B3GALT1: variants seen among roughly 807,000 people sequenced by gnomAD.
The protein encoded by B3GALT1 is UDP-Gal:betaGlcNAc beta 1,3-galactosyltransferase, polypeptide 1.
Under a neutral mutation model 23.2 loss-of-function variants are expected in B3GALT1, and 10 were observed. The observed-to-expected ratio is 0.43, with a 90% CI of 0.27 to 0.73. B3GALT1 has a LOEUF of 0.73. Among genes scored for constraint, B3GALT1 ranks in the 30% least tolerant of loss-of-function variants. The pLI is 0.21. For missense variants in B3GALT1, 299 were observed against 405.4 expected (o/e 0.74, Z 2.25); for synonymous variants, 156 against 141.5 (o/e 1.10, Z -0.73).
chr2:167,625,321 C>T (rs927882491), intron 2 of B3GALT1, among the ~76,000 whole-genome samples: 9 of 151,824 alleles, frequency 5.9e-5, no homozygotes, highest in Admixed American at 5.3e-4. Context: ...AACATGGCCA[C>T]AATAATTCTG....
At chr2:167,500,854 T>C (rs1699839619) in intron 2 of B3GALT1, among the ~76,000 whole-genome samples, 1 of 152,168 alleles carries the variant, frequency 6.6e-6, no homozygotes, top group Admixed American at 6.5e-5. Flanking sequence ...TTGGTGCCAA[T>C]GAGGTAATTA....
At position 167,467,159 on chromosome 2, in the gene B3GALT1, C is replaced by T. The variant is rs961220571; in HGVS notation, c.-510-23018C>T. 2.6e-5 allele frequency among the ~76,000 whole-genome samples: 4 copies of T among 151,928 alleles called. No individual in the cohort carries two copies. In the East Asian group the frequency reaches 7.8e-4, roughly 29 times the overall value. The stretch of plus-strand genomic sequence containing the variant: ...CAGCAGGGTAGGAGACATTCACATT[C>T]TGGAGCTGACGGGAAGGGATATTAA... On this transcript the variant is annotated intron_variant, in intron 1 of 4. Coordinates refer to ENST00000392690, the MANE Select transcript of B3GALT1 (RefSeq NM_020981.4).
chr2:167,599,359 A>AAGATAACAAATCCAAAAACAG (rs1485787667), intron 2 of B3GALT1, among the ~76,000 whole-genome samples: 9 of 152,216 alleles, frequency 5.9e-5, no homozygotes, highest in Admixed American at 3.3e-4. Context: ...CCACTTTATG[A>AAGATAACAAATCCAAAAACAG]AGATAACAAA....
At chr2:167,554,771 A>C (rs983821791) in intron 2 of B3GALT1, among the ~76,000 whole-genome samples, 1 of 152,208 alleles carries the variant, frequency 6.6e-6, no homozygotes, top group Non-Finnish European at 1.5e-5. Context: ...TGCTAGTCCA[A>C]TTAAGCAAAA....
rs1407893952 is a variant in B3GALT1 at position 167,562,155 on chromosome 2, T to C, written c.-410+71878T>C. ...TGGGATGCAAGGCTGGTTCAATATA[T>C]GCAAATCAATAAATGTAATCCAACA... is the stretch of plus-strand genomic sequence containing the variant. On this transcript the variant is annotated intron_variant, in intron 2 of 4. Transcript: ENST00000392690. 5.9e-5 allele frequency among the ~76,000 whole-genome samples: 9 copies of C among 152,252 alleles called. No homozygotes were observed. The East Asian group carries it at 1.2e-3, about 20-fold the overall frequency.
chr2:167,691,007 C>T (rs1686702723), intron 3 of B3GALT1, among the ~76,000 whole-genome samples: 1 of 151,868 alleles, frequency 6.6e-6, no homozygotes, highest in African/African-American at 2.4e-5. Flanking sequence ...AATAAGAATG[C>T]AAACAAAAAT....
At chr2:167,643,843 A>G (rs2105457714) in intron 2 of B3GALT1, among the ~76,000 whole-genome samples, 1 of 152,244 alleles carries the variant, frequency 6.6e-6, no homozygotes, top group East Asian at 1.9e-4. Context: ...GAGCAGTAAT[A>G]CTCCTGATTA....
chr2:167,384,240 G>A (rs1390776358), intron 1 of B3GALT1, among the ~76,000 whole-genome samples: 5 of 152,130 alleles, frequency 3.3e-5, no homozygotes, highest in Non-Finnish European at 5.9e-5. Flanking sequence ...AAATGGTGCT[G>A]TCTAATTATC....
chr2:167,703,451 T>TA (rs1686912102), intron 3 of B3GALT1, among the ~76,000 whole-genome samples: 1 of 151,880 alleles, frequency 6.6e-6, no homozygotes, highest in Admixed American at 6.6e-5. Flanking sequence ...CTGGGAAACT[T>TA]ACGTTTTGTA....
At chr2:167,491,135 A>G (rs1302990122) in intron 2 of B3GALT1, among the ~76,000 whole-genome samples, 1 of 152,136 alleles carries the variant, frequency 6.6e-6, no homozygotes, top group Non-Finnish European at 1.5e-5. Context: ...TCACTTCAAT[A>G]TTTGGACTAG....
intron 3 of B3GALT1, among the ~76,000 whole-genome samples, chr2:167,684,957 C>A (rs10165459): frequency 0.61 from 92,178 of 152,052 alleles, 28,694 homozygotes; most frequent in East Asian, 0.72. Flanking sequence ...CATCAACCAC[C>A]ACCACTTAAA....
intron 3 of B3GALT1, among the ~76,000 whole-genome samples, chr2:167,784,992 T>C (rs1328044618): frequency 6.6e-6 from 1 of 152,206 alleles, no homozygotes; most frequent in Non-Finnish European, 1.5e-5. Context: ...GCATTGAAAG[T>C]GTCCATATAG....
At chr2:167,750,088 T>A (rs76438873) in intron 3 of B3GALT1, among the ~76,000 whole-genome samples, 2,272 of 152,338 alleles carry the variant, frequency 0.015, 66 homozygotes, top group African/African-American at 0.051. Context: ...CTTTGTGACA[T>A]TAACTGTCAG....
chr2:167,632,875 C>A (rs557149702), intron 2 of B3GALT1, among the ~76,000 whole-genome samples: 1 of 152,096 alleles, frequency 6.6e-6, no homozygotes, highest in South Asian at 2.1e-4. Context: ...TTTGCCCATG[C>A]CTATGTCCTG....
chr2:167,564,645 G>A (rs908362970), intron 2 of B3GALT1, among the ~76,000 whole-genome samples: 14 of 152,252 alleles, frequency 9.2e-5, no homozygotes, highest in East Asian at 5.8e-4. Flanking sequence ...CGGATCACTC[G>A]TGGCTAGGAG....
At chr2:167,350,258 A>T (rs374976528) in intron 1 of B3GALT1, among the ~76,000 whole-genome samples, 1 of 152,196 alleles carries the variant, frequency 6.6e-6, no homozygotes, top group East Asian at 1.9e-4. Context: ...CAGTTTGTTC[A>T]TCATTTGAAG....
chr2:167,848,527 T>C (rs912978400), intron 4 of B3GALT1, among the ~76,000 whole-genome samples: 10 of 152,184 alleles, frequency 6.6e-5, no homozygotes, highest in Non-Finnish European at 1.3e-4. Context: ...GAAAAAGCAT[T>C]TGACAAAATC....
In B3GALT1 at chr2:167,869,603, T is replaced by G. The variant is rs1322766588; in HGVS notation, c.564T>G (p.Ile188Met). The change falls in exon 5 of 5, where the codon ATT becomes ATG. Residue 188 changes from isoleucine to methionine, a missense_variant. Physicochemically the swap from Ile to Met is conservative, Grantham distance 10 (BLOSUM62 1). Around this residue, in one of 3 missense-constraint regions of B3GALT1, gnomAD observed 133 missense variants for 204.8 expected, o/e 0.65. Coordinates refer to ENST00000392690, the MANE Select transcript of B3GALT1 (RefSeq NM_020981.4). This position sits in a 1 kb window ranked among gnomAD's most constrained non-coding sequence, Gnocchi z 6.4. ...TTTTTGTAAACATGGACAATCTTAT[T>G]TATAAATTACTGAAACCCTCCACCA... ...SDIFVNMDNLIYKLLKPSTKP... is the reference protein window; with the variant it reads ...SDIFVNMDNLMYKLLKPSTKP... 1 of 1,614,176 alleles carries G rather than the reference T, an allele frequency of 6.2e-7. No individual in the cohort carries two copies. Among genetic ancestry groups the G allele is most frequent in the South Asian group, 1.1e-5 (1 of 91,080 alleles).
rs113068949 is a variant in B3GALT1 at position 167,790,208 on chromosome 2, C to T, written c.-351-28464C>T. ...TACATATCTACTACCATGTCAGCCC[C>T]GCTTTTGAGAAATATAATTCTACCC... On this transcript the variant is annotated intron_variant, in intron 3 of 4. Coordinates refer to ENST00000392690, the MANE Select transcript of B3GALT1 (RefSeq NM_020981.4). Among the ~76,000 whole-genome samples, 1,419 of 152,244 alleles carry T rather than the reference C, an allele frequency of 9.3e-3. 28 individuals are homozygous for T. The highest frequency in any genetic ancestry group is 0.033 in the African/African-American group (1,367 of 41,526).
Sources: gnomAD v4.1 joint callset for allele counts (sites outside exome capture counted in the v4.1 genomes callset) on GRCh38, gnomAD v4.1.1 for gene constraint, gnomAD v4.1.1 regional missense constraint, Gnocchi (gnomAD v3.1) non-coding constraint, MANE v1.5 for transcripts, NCBI Gene and HGNC (gene_info 2026-07-23, HGNC 2026-07-21) for gene names.